The following MAML3 variants were observed in gnomAD, a reference collection of about 807,000 sequenced individuals.
MAML3 encodes mastermind-like protein 3.
MAML3 carries 27 observed loss-of-function variants against 101.9 expected under a neutral mutation model. The ratio of observed to expected loss-of-function variants is 0.27; its 90% CI spans 0.20 to 0.37. The LOEUF (loss-of-function observed/expected upper bound fraction) is 0.37, where lower values mean the gene tolerates loss of function less well. Among genes scored for constraint, MAML3 ranks in the 10% least tolerant of loss-of-function variants. MAML3 has a pLI of 1.00. For synonymous variants in MAML3, 501 were observed against 555.9 expected, an observed-to-expected ratio of 0.90 and a Z score of 1.39; for missense variants, 1,316 against 1,444.9, an observed-to-expected ratio of 0.91 and a Z score of 1.45.
At chr4:139,870,821 A>G (rs529255612) in intron 2 of MAML3, among the ~76,000 whole-genome samples, 20 of 152,298 alleles carry the variant, frequency 1.3e-4, no homozygotes, top group African/African-American at 4.8e-4. Context: ...TCATTTCACC[A>G]AAGATTTAAA....
chr4:139,850,583 G>C (rs1042563360), intron 2 of MAML3, among the ~76,000 whole-genome samples: 1 of 151,732 alleles, frequency 6.6e-6, no homozygotes, highest in Non-Finnish European at 1.5e-5. Context: ...GCCTATGCTG[G>C]AGTGCAGTGG....
chr4:139,802,178 G>A (rs1459154720), intron 2 of MAML3, among the ~76,000 whole-genome samples: 1 of 152,162 alleles, frequency 6.6e-6, no homozygotes, highest in Admixed American at 6.5e-5. Flanking sequence ...GTAGCAGAGA[G>A]GAGGCTGGAT....
At chr4:140,125,194 A>G (rs1345553740) in intron 1 of MAML3, among the ~76,000 whole-genome samples, 1 of 152,224 alleles carries the variant, frequency 6.6e-6, no homozygotes, top group East Asian at 1.9e-4. Flanking sequence ...TAAATGATAT[A>G]TACTGAATAA....
At chr4:139,841,431 A>AGAT (rs1462170713) in intron 2 of MAML3, among the ~76,000 whole-genome samples, 5 of 152,240 alleles carry the variant, frequency 3.3e-5, no homozygotes, top group African/African-American at 1.2e-4. Flanking sequence ...AACGAAGAAA[A>AGAT]GATTTAAAAA....
intron 1 of MAML3, among the ~76,000 whole-genome samples, chr4:139,960,076 C>T (rs980971789): frequency 6.6e-6 from 1 of 151,964 alleles, no homozygotes; most frequent in African/African-American, 2.4e-5. Flanking sequence ...AAGGAAAGCT[C>T]GTGATGGTTT....
intron 1 of MAML3, among the ~76,000 whole-genome samples, chr4:140,012,137 A>G (rs1215690398): frequency 2.6e-5 from 4 of 152,218 alleles, no homozygotes; most frequent in Admixed American, 2.6e-4. Context: ...GGGAATTCTT[A>G]TAAGTTTGGC....
chr4:139,771,805 C>T lies in MAML3; in HGVS notation c.2080-41138G>A, dbSNP rs201526285. ...CTTTGAAGATGTAGCTTTCGGGGGC[C>T]CATCCCAGATTTGGATCTCTGGGAT... On this transcript the variant is annotated intron_variant, in intron 2 of 4. Transcript: ENST00000509479. 1.2e-4 allele frequency among the ~76,000 whole-genome samples: 18 copies of T among 152,030 alleles called. No individual in the cohort carries two copies. The East Asian group carries it at 3.3e-3, about 28-fold the overall frequency.
chr4:139,870,868 A>G (rs1313908691), intron 2 of MAML3, among the ~76,000 whole-genome samples: 1 of 152,248 alleles, frequency 6.6e-6, no homozygotes, highest in Non-Finnish European at 1.5e-5. Context: ...TACAAGCAAT[A>G]TACATTCAAC....
intron 3 of MAML3, among the ~76,000 whole-genome samples, chr4:139,728,857 C>G (rs998611056): frequency 2.6e-5 from 4 of 152,208 alleles, no homozygotes; most frequent in African/African-American, 2.4e-5. Flanking sequence ...CACAGCTGAG[C>G]TCTGCCTGCT....
intron 2 of MAML3, among the ~76,000 whole-genome samples, chr4:139,789,725 T>C (rs1449309497): frequency 2.6e-5 from 4 of 152,278 alleles, no homozygotes; most frequent in East Asian, 3.9e-4. Flanking sequence ...AGAGAAAGTA[T>C]TGAAGATTAA....
chr4:139,831,667 C>G (rs965320979), intron 2 of MAML3, among the ~76,000 whole-genome samples: 2 of 152,146 alleles, frequency 1.3e-5, no homozygotes, highest in African/African-American at 4.8e-5. Flanking sequence ...CATGGGATCG[C>G]CTTCTCCTAT....
At chr4:140,108,355 G>A (rs1728386835) in intron 1 of MAML3, among the ~76,000 whole-genome samples, 1 of 151,750 alleles carries the variant, frequency 6.6e-6, no homozygotes, top group Non-Finnish European at 1.5e-5. Context: ...AAGCTGCACT[G>A]TCGTCATTTA....
intron 1 of MAML3, among the ~76,000 whole-genome samples, chr4:139,976,780 T>C (rs901337846): frequency 6.6e-6 from 1 of 152,208 alleles, no homozygotes; most frequent in Non-Finnish European, 1.5e-5. Flanking sequence ...GCCTTTTAAA[T>C]ACATACCCTA....
intron 2 of MAML3, among the ~76,000 whole-genome samples, chr4:139,746,779 G>C (rs1198262547): frequency 6.6e-6 from 1 of 152,178 alleles, no homozygotes; most frequent in Non-Finnish European, 1.5e-5. Context: ...CCCACCAAAA[G>C]TAATGTGTCA....
At chr4:140,112,912 T>C (rs930227469) in intron 1 of MAML3, among the ~76,000 whole-genome samples, 8 of 152,198 alleles carry the variant, frequency 5.3e-5, no homozygotes, top group African/African-American at 1.9e-4. Flanking sequence ...TAAAGAAACT[T>C]GCATGCAATG....
chr4:140,079,184 A>T (rs7688155), intron 1 of MAML3, among the ~76,000 whole-genome samples: 145,300 of 152,250 alleles, frequency 0.95, 69,699 homozygotes, highest in East Asian at 1. Flanking sequence ...TAGTCAACCG[A>T]CTTTTTAAAA....
chr4:140,060,383 A>AAAAAAAAAAAAAAAAAAAAC (rs1727426174), intron 1 of MAML3, among the ~76,000 whole-genome samples: 1 of 148,990 alleles, frequency 6.7e-6, no homozygotes, highest in African/African-American at 2.4e-5. Flanking sequence ...AAAAAAAAAA[A>AAAAAAAAAAAAAAAAAAAAC]AAGTCACAAG....
At chr4:140,059,501 G>A (rs1183529232) in intron 1 of MAML3, among the ~76,000 whole-genome samples, 3 of 152,188 alleles carry the variant, frequency 2.0e-5, no homozygotes, top group Non-Finnish European at 4.4e-5. Context: ...GGGCAAAGGT[G>A]AAAAGAAATG....
chr4:139,866,197 T>C (rs1468483286), intron 2 of MAML3, among the ~76,000 whole-genome samples: 2 of 152,178 alleles, frequency 1.3e-5, no homozygotes, highest in East Asian at 1.9e-4. Flanking sequence ...TGATAGGACA[T>C]ATTGTACTTA....
Sources: gnomAD v4.1 joint callset for allele counts (sites outside exome capture counted in the v4.1 genomes callset) on GRCh38, gnomAD v4.1.1 for gene constraint, MANE v1.5 for transcripts, NCBI Gene and HGNC (gene_info 2026-07-23, HGNC 2026-07-21) for gene names.